The following CFH variants were observed in gnomAD, a reference collection of about 807,000 sequenced individuals.
CFH encodes the protein complement factor H, also known as H factor 1 (complement).
Under a neutral mutation model 147.3 loss-of-function variants are expected in CFH, and 53 were observed. That is an observed-to-expected ratio of 0.36 (90% CI 0.29 to 0.45). CFH has a LOEUF of 0.45. Among genes scored for constraint, CFH ranks in the 20% least tolerant of loss-of-function variants. The pLI is 1.00. For missense variants in CFH, 1,380 were observed against 1,498.0 expected (o/e 0.92, Z 1.30); for synonymous variants, 536 against 489.4 (o/e 1.10, Z -1.26).
chr1:196,742,011 A>G lies in CFH; in HGVS notation c.3093A>G (p.Thr1031=), dbSNP rs748542888. 6.2e-7 allele frequency: 1 copy of G among 1,614,184 alleles called. No individual in the cohort carries two copies. Among genetic ancestry groups the G allele is most frequent in the Non-Finnish European group, 8.5e-7 (1 of 1,180,026 alleles). Residue 1031 remains threonine (T), a synonymous_variant, in exon 19 of 22, where the codon ACA becomes ACG. Transcript: ENST00000367429. The part of the protein sequence containing the change: ...YYKMDGASNV[T]CINSRWTGRP... ...AAATGGATGGAGCCAGTAATGTAACATGCATTAATAGCAGATGGACAGGAA... is the reference window on the plus strand; with the variant it reads ...AAATGGATGGAGCCAGTAATGTAACGTGCATTAATAGCAGATGGACAGGAA...
intron 6 of CFH, among the ~76,000 whole-genome samples, chr1:196,682,469 GT>G (rs2149083760): frequency 6.6e-6 from 1 of 151,594 alleles, no homozygotes; most frequent in Admixed American, 6.6e-5. Context: ...ATCACCAGAA[GT>G]CTTTCTATTC....
rs924559401 is a variant in CFH, at chr1:196,652,694, TA to T, written c.58+524del. On this transcript the variant is annotated intron_variant, in intron 1 of 21. Coordinates refer to ENST00000367429, the MANE Select transcript of CFH (RefSeq NM_000186.4). ...ACAAGTATTACTTGTATTATCAGAA[TA>T]AAAATATTATATAAATTTGAAACCC... 6.1e-4 allele frequency among the ~76,000 whole-genome samples: 92 copies of T among 151,902 alleles called. No homozygotes were observed. In the Middle Eastern group the frequency reaches 0.025, roughly 42 times the overall value.
At chr1:196,672,843 G>GGAGA (rs55759441) in intron 1 of CFH, 135 bp from the exon 2 acceptor site, 115 of 607,628 alleles carry the variant, frequency 1.9e-4, no homozygotes, top group African/African-American at 6.0e-4. Flanking sequence ...TATGGGGTTA[G>GGAGA]GAGAGAGAGA....
At chr1:196,658,711 C>T (rs1457945610) in intron 1 of CFH, among the ~76,000 whole-genome samples, 1 of 151,968 alleles carries the variant, frequency 6.6e-6, no homozygotes, top group Non-Finnish European at 1.5e-5. Flanking sequence ...AGGCATGAGC[C>T]ACCGCGCCCG....
chr1:196,714,266 C>T (rs945352221), intron 10 of CFH, among the ~76,000 whole-genome samples: 5 of 151,774 alleles, frequency 3.3e-5, no homozygotes, highest in African/African-American at 1.2e-4. Context: ...ATTCTTTACT[C>T]CTAGATACAA....
chr1:196,722,265 A>T (rs1247610484), intron 11 of CFH, among the ~76,000 whole-genome samples: 2 of 152,064 alleles, frequency 1.3e-5, no homozygotes, highest in Non-Finnish European at 2.9e-5. Flanking sequence ...AGTGGTGATG[A>T]ACTTCCTTAG....
chr1:196,737,761 T>G (rs987931902), intron 17 of CFH, 101 bp downstream of exon 17: 2 of 817,734 alleles, frequency 2.4e-6, no homozygotes, highest in African/African-American at 3.5e-5. Flanking sequence ...ACTGCATATA[T>G]AAAATAATTT....
intron 4 of CFH, 136 bp downstream of exon 4, chr1:196,676,201 G>A: frequency 1.9e-6 from 1 of 535,160 alleles, no homozygotes; most frequent in Non-Finnish European, 3.1e-6. Flanking sequence ...TGTAGAGTGG[G>A]AATCTAGTCT....
intron 1 of CFH, among the ~76,000 whole-genome samples, chr1:196,661,882 T>C (rs980279296): frequency 6.6e-6 from 1 of 151,724 alleles, no homozygotes; most frequent in Non-Finnish European, 1.5e-5. Context: ...AGAGGTTTTG[T>C]TTTGTTTGTT....
chr1:196,727,758 G>A (rs1669182032), intron 14 of CFH, among the ~76,000 whole-genome samples: 1 of 152,104 alleles, frequency 6.6e-6, no homozygotes, highest in Non-Finnish European at 1.5e-5. Flanking sequence ...TGTGCTGCAG[G>A]GTTGGTGGGC....
At position 196,685,129 on chromosome 1, in the gene CFH, A is replaced by G. The variant is rs777385499; in HGVS notation, c.856A>G (p.Thr286Ala). The change falls in exon 7 of 22, where the codon ACT becomes GCT. Residue 286 changes from threonine to alanine, a missense_variant. Thr to Ala is a moderately conservative substitution (Grantham distance 58, BLOSUM62 0). This residue lies in a region of CFH where 167 missense variants were observed against 228.0 expected (regional missense o/e 0.73). Transcript: ENST00000367429. Reference sequence around the variant, plus strand: ...CTCACCTTTAAGGATTAAACACAGAACTGGAGATGAAATCACGTACCAGTG... The same window carrying G: ...CTCACCTTTAAGGATTAAACACAGAGCTGGAGATGAAATCACGTACCAGTG... ...DYSPLRIKHR[T>A]GDEITYQCRN... The G allele has an allele frequency of 1.2e-6, 2 of 1,612,774 alleles. No individual in the cohort carries two copies. Among genetic ancestry groups the G allele is most frequent in the Non-Finnish European group, 1.7e-6 (2 of 1,179,146 alleles).
chr1:196,721,670 C>T (rs1193105784), intron 11 of CFH, among the ~76,000 whole-genome samples: 2 of 151,850 alleles, frequency 1.3e-5, no homozygotes, highest in Admixed American at 6.6e-5. Flanking sequence ...AGGTTGCTTG[C>T]CCTCATTATA....
rs1669196199 is a variant in CFH at position 196,728,342 on chromosome 1, A to G, written c.2237-4A>G. 1.4e-6 allele frequency: 2 copies of G among 1,404,120 alleles called. No homozygotes were observed. The highest frequency in any genetic ancestry group is 1.5e-5 in the African/African-American group (1 of 68,342). 87.0% of individuals were successfully genotyped at this position (1,404,120 alleles called of 1,614,324 possible). ...ATTTTCATAAAAATATATTTATTTT[A>G]TAGCAATAGATAAACTTAAGAAGTG... On this transcript the variant is annotated splice_polypyrimidine_tract_variant and splice_region_variant and intron_variant, in intron 14 of 21. Transcript: ENST00000367429.
intron 9 of CFH, among the ~76,000 whole-genome samples, chr1:196,708,382 C>A (rs185808968): frequency 2.6e-5 from 4 of 152,234 alleles, no homozygotes; most frequent in African/African-American, 4.8e-5. Flanking sequence ...AAATCACCAC[C>A]CCATGTGTCA....
In CFH at chr1:196,737,571, G is replaced by A. The variant is rs1361345512; in HGVS notation, c.2693G>A (p.Ser898Asn). ...AGTTATGCACATGGGACTAAATTGA[G>A]TTATACTTGTGAGGGTGGTTTCAGG... ...QESYAHGTKL[S>N]YTCEGGFRIS... The change falls in exon 17 of 22, where the codon AGT (serine) becomes AAT (asparagine). Residue 898 changes from serine to asparagine, a missense_variant. Physicochemically the swap from Ser to Asn is conservative, Grantham distance 46. Coordinates refer to ENST00000367429, the MANE Select transcript of CFH (RefSeq NM_000186.4). 3.7e-6 allele frequency: 6 copies of A among 1,613,234 alleles called. No individual in the cohort carries two copies. The highest frequency in any genetic ancestry group is 1.3e-5 in the African/African-American group (1 of 74,866).
chr1:196,728,354 A>G lies in CFH; in HGVS notation c.2245A>G (p.Lys749Glu), dbSNP rs1421087092. The change falls in exon 15 of 22, where the codon AAA (lysine) becomes GAA (glutamate). Residue 749 changes from lysine to glutamate, a missense_variant. Lys to Glu is a moderately conservative substitution (Grantham distance 56). Coordinates refer to ENST00000367429, the MANE Select transcript of CFH (RefSeq NM_000186.4). ...TQLPQCVAID[K>E]LKKCKSSNLI... Reference sequence around the variant, plus strand: ...ATATATTTATTTTATAGCAATAGATAAACTTAAGAAGTGCAAATCATCAAA... The same window carrying G: ...ATATATTTATTTTATAGCAATAGATGAACTTAAGAAGTGCAAATCATCAAA... 3 of 1,489,598 alleles carry G rather than the reference A, an allele frequency of 2.0e-6. No homozygotes were observed. The African/African-American group carries it at 4.3e-5, about 21-fold the overall frequency. 92.3% of individuals were successfully genotyped at this position (1,489,598 alleles called of 1,614,324 possible). A position where few individuals can be genotyped will look rare whatever the true frequency, so the allele number is the denominator to read the frequency against.
chr1:196,699,916 T>TG (rs1419781905), intron 9 of CFH, among the ~76,000 whole-genome samples: 3 of 152,216 alleles, frequency 2.0e-5, no homozygotes, highest in East Asian at 3.9e-4. Flanking sequence ...AGCTGGTCAC[T>TG]GATTACTAGT....
Position 196,652,188 on chromosome 1 carries a change from G to A in CFH, c.58+13G>A, listed in dbSNP as rs1666522521. On this transcript the variant is annotated intron_variant, in intron 1 of 21. Transcript: ENST00000367429. ...TGTGTAGCAGAAGGTAAGATTAAAA[G>A]AGACTCTTTTCTGAAAACTGTATTA... The A allele has an allele frequency of 7.6e-6, 12 of 1,588,986 alleles. No individual in the cohort carries two copies. Among genetic ancestry groups the A allele is most frequent in the Non-Finnish European group, 9.5e-6 (11 of 1,157,448 alleles).
rs1668777158 is a variant in CFH, at chr1:196,713,719, T to C, written c.1337-16T>C. On this transcript the variant is annotated splice_polypyrimidine_tract_variant and intron_variant, in intron 9 of 21. Coordinates refer to ENST00000367429, the MANE Select transcript of CFH (RefSeq NM_000186.4). ...TGATCATATGCTTGTCTTTTTCTTA[T>C]TCTCTTCCCTTTTAGAAACATGTTC... 6.6e-7 allele frequency: 1 copy of C among 1,504,866 alleles called. No individual in the cohort carries two copies. Among genetic ancestry groups the C allele is most frequent in the Admixed American group, 1.7e-5 (1 of 58,608 alleles). 93.2% of individuals were successfully genotyped at this position (1,504,866 alleles called of 1,614,324 possible). A position where few individuals can be genotyped will look rare whatever the true frequency, so the allele number is the denominator to read the frequency against.
Sources: allele counts gnomAD v4.1 joint callset (sites outside exome capture counted in the v4.1 genomes callset), GRCh38; gene constraint gnomAD v4.1.1; regional missense constraint gnomAD v4.1.1; transcripts MANE v1.5; gene names NCBI Gene and HGNC (gene_info 2026-07-23, HGNC 2026-07-21).